Variants in ADCY2 observed in about 807,000 individuals in gnomAD.
ADCY2 encodes adenylate cyclase 2.
ADCY2 carries 31 observed loss-of-function variants against 125.2 expected under a neutral mutation model. The ratio of observed to expected loss-of-function variants is 0.25; its 90% CI spans 0.19 to 0.33. ADCY2 has a LOEUF of 0.33. ADCY2 is among the 10% of genes least tolerant of loss of function. The pLI is 1.00. For missense variants in ADCY2, 904 were observed against 1,418.2 expected (o/e 0.64, Z 5.82); for synonymous variants, 512 against 548.4 (o/e 0.93, Z 0.93).
chr5:7,515,004 A>G (rs1021042289), intron 2 of ADCY2, among the ~76,000 whole-genome samples: 21 of 152,228 alleles, frequency 1.4e-4, no homozygotes, highest in African/African-American at 4.8e-4. Flanking sequence ...TGCACTTGAC[A>G]CATGATCTGA....
At chr5:7,422,011 A>G (rs1740223425) in intron 2 of ADCY2, among the ~76,000 whole-genome samples, 1 of 152,198 alleles carries the variant, frequency 6.6e-6, no homozygotes, top group Non-Finnish European at 1.5e-5. Context: ...TTAGCATGCT[A>G]GATGTTGTTG....
At chr5:7,419,900 GT>G (rs2126346873) in intron 2 of ADCY2, among the ~76,000 whole-genome samples, 1 of 152,264 alleles carries the variant, frequency 6.6e-6, no homozygotes, top group African/African-American at 2.4e-5. Flanking sequence ...TCACTCATTC[GT>G]TTATGAGCGG....
chr5:7,580,211 C>G (rs988113926), intron 3 of ADCY2, among the ~76,000 whole-genome samples: 1 of 151,910 alleles, frequency 6.6e-6, no homozygotes, highest in Non-Finnish European at 1.5e-5. Flanking sequence ...GGAATACACC[C>G]ATGTAAAAAA....
intron 2 of ADCY2, among the ~76,000 whole-genome samples, chr5:7,505,602 T>C (rs1310406587): frequency 6.6e-6 from 1 of 152,232 alleles, no homozygotes; most frequent in Non-Finnish European, 1.5e-5. Context: ...AAATAATTCA[T>C]GTTCGTAGCT....
In ADCY2 at chr5:7,826,700, G is replaced by C. The variant is rs371389555; in HGVS notation, c.3124-19G>C. On this transcript the variant is annotated intron_variant, in intron 24 of 24. Coordinates refer to ENST00000338316, the MANE Select transcript of ADCY2 (RefSeq NM_020546.3). ...ATGTATGTACTAAGCCCGTTTTCCC[G>C]TGTTCCTGTGCCTTCTAGGTTACCG... The C allele has an allele frequency of 1.2e-6, 2 of 1,613,580 alleles. No individual in the cohort carries two copies. Among genetic ancestry groups the C allele is most frequent in the South Asian group, 2.2e-5 (2 of 90,952 alleles).
At chr5:7,437,109 CAGG>C (rs1740833289) in intron 2 of ADCY2, among the ~76,000 whole-genome samples, 1 of 152,116 alleles carries the variant, frequency 6.6e-6, no homozygotes, top group Non-Finnish European at 1.5e-5. Flanking sequence ...GAACTCAGGC[CAGG>C]AGGTGTCATT....
chr5:7,676,484 TTTAA>T (rs1185504354), intron 4 of ADCY2, among the ~76,000 whole-genome samples: 4 of 148,106 alleles, frequency 2.7e-5, no homozygotes, highest in African/African-American at 7.5e-5. Flanking sequence ...TTTTGTTTAC[TTTAA>T]TTTTCTTGAC....
intron 2 of ADCY2, among the ~76,000 whole-genome samples, chr5:7,509,007 A>G (rs181862617): frequency 6.6e-6 from 1 of 152,328 alleles, no homozygotes; most frequent in Non-Finnish European, 1.5e-5. Flanking sequence ...TTATTGGTAG[A>G]AAGTTTGCAG....
chr5:7,600,680 A>C (rs966097348), intron 3 of ADCY2, among the ~76,000 whole-genome samples: 2 of 152,142 alleles, frequency 1.3e-5, no homozygotes, highest in Non-Finnish European at 2.9e-5. Context: ...AGAATGGATA[A>C]GATAATGGCA....
At chr5:7,433,409 A>G (rs1330829177) in intron 2 of ADCY2, among the ~76,000 whole-genome samples, 2 of 152,128 alleles carry the variant, frequency 1.3e-5, no homozygotes, top group East Asian at 1.9e-4. Context: ...AAAACCATAC[A>G]TGGTTTGTGT....
At chr5:7,557,217 T>C (rs1735554524) in intron 3 of ADCY2, among the ~76,000 whole-genome samples, 1 of 101,976 alleles carries the variant, frequency 9.8e-6, no homozygotes, top group Non-Finnish European at 2.5e-5. Context: ...AGTGAGTGTA[T>C]CTAAATGACA....
intron 2 of ADCY2, among the ~76,000 whole-genome samples, chr5:7,483,645 C>T (rs147428775): frequency 8.5e-5 from 13 of 152,088 alleles, no homozygotes; most frequent in African/African-American, 1.2e-4. Context: ...ATGGGAGTGC[C>T]GGGTGGAAGG....
chr5:7,656,810 A>G (rs1739351209), intron 4 of ADCY2, among the ~76,000 whole-genome samples: 1 of 152,248 alleles, frequency 6.6e-6, no homozygotes, highest in South Asian at 2.1e-4. Flanking sequence ...GAATGAAAGC[A>G]TCTGATTTTA....
At chr5:7,743,597 T>C in intron 14 of ADCY2, 71 bp from the exon 15 acceptor site, 3 of 1,411,500 alleles carry the variant, frequency 2.1e-6, no homozygotes, top group Non-Finnish European at 3.0e-6. Context: ...AACCCAAAAG[T>C]ATTACTGGTA....
chr5:7,456,511 A>G (rs546006963), intron 2 of ADCY2, among the ~76,000 whole-genome samples: 14 of 152,350 alleles, frequency 9.2e-5, no homozygotes, highest in Admixed American at 7.2e-4. Flanking sequence ...CATCAATAAC[A>G]TGAATACTAT....
intron 14 of ADCY2, among the ~76,000 whole-genome samples, chr5:7,741,320 T>C (rs1180143462): frequency 1.3e-5 from 2 of 152,226 alleles, no homozygotes; most frequent in East Asian, 1.9e-4. Flanking sequence ...AGGGAAGTTA[T>C]AGAAGTATAA....
intron 4 of ADCY2, among the ~76,000 whole-genome samples, chr5:7,681,486 G>A (rs1171826585): frequency 6.6e-6 from 1 of 152,156 alleles, no homozygotes; most frequent in Non-Finnish European, 1.5e-5. Context: ...ACCTTCCCAA[G>A]CATTCACAGC....
intron 2 of ADCY2, among the ~76,000 whole-genome samples, chr5:7,487,166 C>T (rs191115255): frequency 1.3e-5 from 2 of 152,372 alleles, no homozygotes; most frequent in Admixed American, 1.3e-4. Flanking sequence ...TATGAGACAG[C>T]TGTCCACCCA....
chr5:7,639,852 G>A (rs1721198088), intron 4 of ADCY2, among the ~76,000 whole-genome samples: 1 of 152,126 alleles, frequency 6.6e-6, no homozygotes, highest in South Asian at 2.1e-4. Flanking sequence ...CTAGTTTCTA[G>A]TGTGATTTTG....
Sources: allele counts gnomAD v4.1 joint callset (sites outside exome capture counted in the v4.1 genomes callset), GRCh38; gene constraint gnomAD v4.1.1; transcripts MANE v1.5; gene names NCBI Gene and HGNC (gene_info 2026-07-23, HGNC 2026-07-21).